Variants in SMC4 observed in about 807,000 individuals in gnomAD.
The protein encoded by SMC4 is structural maintenance of chromosomes 4.
A neutral mutation model predicts 145.6 loss-of-function variants in SMC4; 87 were observed. The ratio of observed to expected loss-of-function variants is 0.60; its 90% CI spans 0.50 to 0.71. The LOEUF (loss-of-function observed/expected upper bound fraction) is 0.71. SMC4 is among the 30% of genes least tolerant of loss of function. The probability of loss-of-function intolerance (pLI) is 0.00; values close to 1 mark genes in which losing one functional copy is unlikely to be tolerated. For synonymous variants in SMC4, 558 were observed against 500.7 expected, an observed-to-expected ratio of 1.11 and a Z score of -1.53; for missense variants, 1,447 against 1,537.1, an observed-to-expected ratio of 0.94 and a Z score of 0.98.
At chr3:160,421,549 G>A (rs1326207378) in intron 13 of SMC4, among the ~76,000 whole-genome samples, 1 of 152,036 alleles carries the variant, frequency 6.6e-6, no homozygotes, top group African/African-American at 2.4e-5. Flanking sequence ...TTTGAGACCA[G>A]CCTGGCCAAC....
chr3:160,402,596 TA>T, intron 3 of SMC4, 79 bp from the exon 4 acceptor site: 1 of 1,430,598 alleles, frequency 7.0e-7, no homozygotes, highest in Non-Finnish European at 9.4e-7. Context: ...TAAAAAAATC[TA>T]ACAGTTTCAG....
chr3:160,430,251 G>GTATTTGAAGGTAC (rs1411473443), intron 18 of SMC4, among the ~76,000 whole-genome samples: 11 of 152,090 alleles, frequency 7.2e-5, no homozygotes, highest in Non-Finnish European at 1.2e-4. Context: ...GAATTGGGAA[G>GTATTTGAAGGTAC]TATTTGAAGG....
At position 160,416,354 on chromosome 3, in the gene SMC4, A is replaced by G. The variant is rs1476219283; in HGVS notation, c.1376A>G (p.Lys459Arg). The G allele has an allele frequency of 6.2e-7, 1 of 1,605,184 alleles. No individual in the cohort carries two copies. Among genetic ancestry groups the G allele is most frequent in the South Asian group, 1.1e-5 (1 of 89,348 alleles). Residue 459 changes from lysine (K) to arginine (R), a missense_variant, in exon 10 of 24, where the codon AAA (lysine) becomes AGA (arginine). Physicochemically the swap from Lys to Arg is conservative, Grantham distance 26. Coordinates refer to ENST00000357388, the MANE Select transcript of SMC4 (RefSeq NM_001002800.3). ...AAGGAAAAAGAGAAAGAAGAAAAAA[A>G]ATTAAAGGAAGTTATGGATAGCCTT... Reference protein sequence around the residue: ...LEKEKEKEEKKLKEVMDSLKQ... With the variant: ...LEKEKEKEEKRLKEVMDSLKQ...
chr3:160,427,664 CAT>C (rs530103728), intron 17 of SMC4, among the ~76,000 whole-genome samples: 73 of 152,288 alleles, frequency 4.8e-4, no homozygotes, highest in Admixed American at 4.6e-4. Flanking sequence ...GTTAATATCT[CAT>C]GTGGAGGACC....
At chr3:160,422,626 T>C (rs1177326547) in intron 13 of SMC4, among the ~76,000 whole-genome samples, 1 of 152,212 alleles carries the variant, frequency 6.6e-6, no homozygotes, top group Non-Finnish European at 1.5e-5. Flanking sequence ...ATTCCTTGGA[T>C]TGTATTTTCA....
Position 160,412,322 on chromosome 3 carries a change from G to A in SMC4, c.853-4G>A, listed in dbSNP as rs2305407. On this transcript the variant is annotated splice_region_variant and splice_polypyrimidine_tract_variant and intron_variant, in intron 6 of 23. Coordinates refer to ENST00000357388, the MANE Select transcript of SMC4 (RefSeq NM_001002800.3). The stretch of plus-strand genomic sequence containing the variant: ...TTCAGTCTTTAAACTTTTAATTTCT[G>A]TAGTTAAACAGGGTAAAGATGGTGG... 0.51 allele frequency: 805,170 copies of A among 1,574,270 alleles called. 209,813 individuals carry two copies. Among genetic ancestry groups the A allele is most frequent in the African/African-American group, 0.54 (39,722 of 73,562 alleles).
intron 1 of SMC4, chr3:160,400,299 G>T (rs1714402929): frequency 6.6e-6 from 1 of 152,464 alleles, no homozygotes; most frequent in Admixed American, 6.5e-5. Flanking sequence ...ACGGCGCCAG[G>T]AGCTAAAGGG....
At chr3:160,413,331 T>C in intron 7 of SMC4, 142 bp from the exon 8 acceptor site, 1 of 768,832 alleles carries the variant, frequency 1.3e-6, no homozygotes, top group Non-Finnish European at 2.0e-6. Context: ...CCCAGGGGGA[T>C]TTTCCCCTCA....
intron 22 of SMC4, 29 bp downstream of exon 22, chr3:160,432,544 C>T (rs1422577582): frequency 2.2e-6 from 3 of 1,340,586 alleles, no homozygotes; most frequent in Non-Finnish European, 2.1e-6. Flanking sequence ...TTTATAATCC[C>T]ACTGTTACCT....
At chr3:160,413,328 G>A in intron 7 of SMC4, 145 bp from the exon 8 acceptor site, 1 of 743,506 alleles carries the variant, frequency 1.3e-6, no homozygotes, top group Non-Finnish European at 2.0e-6. Context: ...TGACCCAGGG[G>A]GATTTTCCCC....
At chr3:160,405,128 T>C (rs577400561) in intron 5 of SMC4, among the ~76,000 whole-genome samples, 2 of 152,176 alleles carry the variant, frequency 1.3e-5, no homozygotes, top group Non-Finnish European at 2.9e-5. Flanking sequence ...AACTTTGATA[T>C]TACATTGTTA....
intron 5 of SMC4, among the ~76,000 whole-genome samples, chr3:160,405,052 C>G (rs1044827216): frequency 1.3e-5 from 2 of 152,102 alleles, no homozygotes; most frequent in Admixed American, 6.5e-5. Flanking sequence ...TTAACCTTTA[C>G]TCAAGTTGGT....
intron 11 of SMC4, 52 bp from the exon 12 acceptor site, chr3:160,419,306 G>A: frequency 8.4e-7 from 1 of 1,195,914 alleles, no homozygotes; most frequent in Non-Finnish European, 1.2e-6. Flanking sequence ...TGCTATGACT[G>A]GTCATATTTA....
Position 160,416,432 on chromosome 3 carries a change from T to A in SMC4, c.1437+17T>A, listed in dbSNP as rs531683722. 14 of 1,424,700 alleles carry A rather than the reference T, an allele frequency of 9.8e-6. No homozygotes were observed. Among genetic ancestry groups the A allele is most frequent in the South Asian group, 3.3e-5 (2 of 61,212 alleles). 88.3% of individuals were successfully genotyped at this position (1,424,700 alleles called of 1,614,324 possible). A position where few individuals can be genotyped will look rare whatever the true frequency, so the allele number is the denominator to read the frequency against. On this transcript the variant is annotated intron_variant, in intron 10 of 23. Transcript: ENST00000357388. ...GAAAAAGAAGTAAGTTTTTTTTTTTTATCAGTGTTTATTTTGGTGGCTTTT... is the reference window on the plus strand; with the variant it reads ...GAAAAAGAAGTAAGTTTTTTTTTTTAATCAGTGTTTATTTTGGTGGCTTTT...
Position 160,432,194 on chromosome 3 carries a change from T to G in SMC4, c.3298-89T>G, listed in dbSNP as rs1718484621. ...TCCAGCCTGGGCGTCAGGGCAAGAC[T>G]ACGTCTCAAAACAAAGTAATAATTA... On this transcript the variant is annotated intron_variant, in intron 21 of 23. Transcript: ENST00000357388. 10 of 1,055,060 alleles carry G rather than the reference T, an allele frequency of 9.5e-6. 1 individual carries two copies. In the South Asian group the frequency reaches 1.6e-4, roughly 17 times the overall value. The allele number at this position is 1,055,060 out of a possible 1,614,324, so 65.4% of individuals were successfully genotyped here. A position where few individuals can be genotyped will look rare whatever the true frequency, so the allele number is the denominator to read the frequency against.
At chr3:160,416,439 GT>G in intron 10 of SMC4, 24 bp downstream of exon 10, 1 of 1,332,048 alleles carries the variant, frequency 7.5e-7, no homozygotes, top group Non-Finnish European at 1.0e-6. Context: ...TTTTATCAGT[GT>G]TTATTTTGGT....
At chr3:160,402,129 A>T (rs1559986738) in intron 3 of SMC4, 36 bp downstream of exon 3, 1 of 1,340,430 alleles carries the variant, frequency 7.5e-7, no homozygotes, top group Non-Finnish European at 1.0e-6. Context: ...ATAACTTTTT[A>T]AATAACTATT....
intron 11 of SMC4, among the ~76,000 whole-genome samples, chr3:160,419,105 G>T (rs1167385457): frequency 6.6e-6 from 1 of 152,062 alleles, no homozygotes; most frequent in Non-Finnish European, 1.5e-5. Context: ...AGGATGAACT[G>T]TTTGCTCCTG....
intron 9 of SMC4, among the ~76,000 whole-genome samples, chr3:160,415,071 C>T (rs1559999057): frequency 1.3e-5 from 2 of 152,146 alleles, no homozygotes; most frequent in South Asian, 2.1e-4. Flanking sequence ...AGCAGGATTT[C>T]CCAAGAATTA....
Sources: gnomAD v4.1 joint callset for allele counts (sites outside exome capture counted in the v4.1 genomes callset) on GRCh38, gnomAD v4.1.1 for gene constraint, MANE v1.5 for transcripts, NCBI Gene and HGNC (gene_info 2026-07-23, HGNC 2026-07-21) for gene names.